The following TMC5 variants were observed in gnomAD, a reference collection of about 807,000 sequenced individuals.
TMC5 encodes the protein transmembrane channel like 5, also known as transmembrane channel-like protein 5.
TMC5 carries 86 observed loss-of-function variants against 110.5 expected under a neutral mutation model. The ratio of observed to expected loss-of-function variants is 0.78; its 90% CI spans 0.65 to 0.93. TMC5 has a LOEUF of 0.93. TMC5 is among the 40% of genes least tolerant of loss of function. The pLI is 0.00. For synonymous variants in TMC5, 455 were observed against 439.5 expected (o/e 1.04, Z -0.44); for missense variants, 1,144 against 1,222.8 (o/e 0.94, Z 0.96).
intron 5 of TMC5, among the ~76,000 whole-genome samples, chr16:19,454,588 A>G (rs1183685707): frequency 6.6e-6 from 1 of 152,234 alleles, no homozygotes; most frequent in Non-Finnish European, 1.5e-5. Context: ...CAGTAATGGC[A>G]GGTATCATTA....
intron 8 of TMC5, among the ~76,000 whole-genome samples, chr16:19,465,338 A>C (rs1441860187): frequency 1.3e-5 from 2 of 152,086 alleles, no homozygotes; most frequent in African/African-American, 4.8e-5. Context: ...GTTGGAGACC[A>C]GCCTGGCCAA....
intron 12 of TMC5, among the ~76,000 whole-genome samples, chr16:19,475,655 T>C (rs1968469641): frequency 2.6e-5 from 4 of 152,142 alleles, no homozygotes; most frequent in Admixed American, 2.6e-4. Flanking sequence ...GCCTGGAATG[T>C]TCTTCCCACA....
At chr16:19,473,659 G>A (rs1968408366) in intron 11 of TMC5, among the ~76,000 whole-genome samples, 1 of 152,100 alleles carries the variant, frequency 6.6e-6, no homozygotes, top group African/African-American at 2.4e-5. Flanking sequence ...TTGGCACGGG[G>A]TAAGGAAATT....
At chr16:19,471,185 A>T (rs560201924) in intron 10 of TMC5, among the ~76,000 whole-genome samples, 1 of 151,932 alleles carries the variant, frequency 6.6e-6, no homozygotes, top group Admixed American at 6.6e-5. Flanking sequence ...ACCTCCTGGG[A>T]TCCAGTTAGC....
chr16:19,427,024 G>C (rs1310530555), intron 1 of TMC5, among the ~76,000 whole-genome samples: 4 of 152,078 alleles, frequency 2.6e-5, no homozygotes, highest in Non-Finnish European at 5.9e-5. Flanking sequence ...CCAAAACTGG[G>C]GAAGTCCTGG....
rs1159646260 is a variant in TMC5, at chr16:19,499,070, TAAATAAATA to T, written c.*1107_*1115del. On this transcript the variant is annotated 3_prime_UTR_variant, in exon 22 of 22. Coordinates refer to ENST00000542583, the MANE Select transcript of TMC5 (RefSeq NM_001261841.2). ...TGAGACTCTGCCTCAAAAAAATAAA[TAAATAAATA>T]AATAAAGTAAATTAAAAGTCTTATT... 1 of 151,786 alleles carries T rather than the reference TAAATAAATA, an allele frequency of 6.6e-6. No individual in the cohort carries two copies. Among genetic ancestry groups the T allele is most frequent in the Non-Finnish European group, 1.5e-5 (1 of 67,934 alleles). The allele number at this position is 151,786 out of a possible 1,614,324, so 9.4% of individuals were successfully genotyped here.
intron 9 of TMC5, among the ~76,000 whole-genome samples, chr16:19,468,399 C>A (rs147060375): frequency 3.5e-4 from 53 of 152,224 alleles, no homozygotes; most frequent in African/African-American, 1.2e-3. Context: ...AGCCCATGAC[C>A]ATAACAGTGC....
At chr16:19,454,056 T>G (rs1967809850) in intron 5 of TMC5, among the ~76,000 whole-genome samples, 1 of 151,876 alleles carries the variant, frequency 6.6e-6, no homozygotes, top group Admixed American at 6.6e-5. Context: ...TCTTTTTTGT[T>G]GTTGTTTTTG....
intron 10 of TMC5, among the ~76,000 whole-genome samples, chr16:19,470,389 A>G (rs1968306767): frequency 6.6e-6 from 1 of 150,978 alleles, no homozygotes; most frequent in South Asian, 2.1e-4. Flanking sequence ...GTTTCACTAT[A>G]TTGGCCAGGC....
chr16:19,441,284 C>G (rs965633996), intron 3 of TMC5, among the ~76,000 whole-genome samples: 14 of 140,342 alleles, frequency 1.0e-4, no homozygotes, highest in African/African-American at 4.2e-4. Context: ...GTTTGCACCA[C>G]TTCTTTGTTT....
chr16:19,444,009 ATGG>A, intron 3 of TMC5, 69 bp from the exon 4 acceptor site: 1 of 1,377,498 alleles, frequency 7.3e-7, no homozygotes, highest in Admixed American at 1.9e-5. Flanking sequence ...GGATGGATGG[ATGG>A]ATGGATGGAT....
At chr16:19,476,742 C>A (rs1020676400) in intron 12 of TMC5, among the ~76,000 whole-genome samples, 3 of 152,202 alleles carry the variant, frequency 2.0e-5, no homozygotes, top group African/African-American at 7.2e-5. Flanking sequence ...AACAACCCCC[C>A]AGATCTCAGT....
intron 2 of TMC5, among the ~76,000 whole-genome samples, chr16:19,435,963 T>C (rs1457049139): frequency 6.6e-6 from 1 of 152,102 alleles, no homozygotes; most frequent in Non-Finnish European, 1.5e-5. Flanking sequence ...TTTTGACTCT[T>C]ATGAAAAATA....
chr16:19,490,926 T>C (rs1968883593), intron 18 of TMC5, among the ~76,000 whole-genome samples: 1 of 97,356 alleles, frequency 1.0e-5, no homozygotes, highest in Non-Finnish European at 1.9e-5. Flanking sequence ...CCCTTCTTTC[T>C]CCCTTCCCCT....
intron 18 of TMC5, among the ~76,000 whole-genome samples, chr16:19,490,944 C>T (rs1968885017): frequency 7.4e-6 from 1 of 134,316 alleles, no homozygotes; most frequent in Non-Finnish European, 1.6e-5. Flanking sequence ...CCTCCCTTCC[C>T]TTCCTTTCCC....
chr16:19,428,125 T>G (rs1036465191), intron 1 of TMC5, among the ~76,000 whole-genome samples: 2 of 152,154 alleles, frequency 1.3e-5, no homozygotes, highest in Non-Finnish European at 2.9e-5. Context: ...AGGATCGTGG[T>G]AAAAGAGGAG....
chr16:19,434,080 A>T lies in TMC5; in HGVS notation c.-80+3440A>T, dbSNP rs1475516647. Among the ~76,000 whole-genome samples the T allele has an allele frequency of 3.2e-4, 35 of 110,614 alleles. No individual in the cohort carries two copies. The East Asian group carries it at 7.0e-3, about 22-fold the overall frequency. The allele number at this position is 110,614 out of a possible 152,430, so 72.6% of individuals were successfully genotyped here. A position where few individuals can be genotyped will look rare whatever the true frequency, so the allele number is the denominator to read the frequency against. ...ATATAAATCTATATATATTATATAT[A>T]ATATATATATATCTATAATATATAT... On this transcript the variant is annotated intron_variant, in intron 2 of 21. Transcript: ENST00000542583.
At chr16:19,432,227 C>G (rs944606427) in intron 2 of TMC5, among the ~76,000 whole-genome samples, 1 of 152,134 alleles carries the variant, frequency 6.6e-6, no homozygotes, top group African/African-American at 2.4e-5. Flanking sequence ...CCATTCGAAC[C>G]AGGAAGCCTT....
chr16:19,491,882 C>T (rs1968916851), intron 18 of TMC5, among the ~76,000 whole-genome samples: 1 of 152,100 alleles, frequency 6.6e-6, no homozygotes, highest in African/African-American at 2.4e-5. Flanking sequence ...GAAAGCAATA[C>T]CTGCTTTTCT....
Sources: allele counts gnomAD v4.1 joint callset (sites outside exome capture counted in the v4.1 genomes callset), GRCh38; gene constraint gnomAD v4.1.1; transcripts MANE v1.5; gene names NCBI Gene and HGNC (gene_info 2026-07-23, HGNC 2026-07-21).